FLT1: variants seen among roughly 807,000 people sequenced by gnomAD.
FLT1 encodes fms related receptor tyrosine kinase 1, also known as vascular endothelial growth factor receptor 1.
Under a neutral mutation model 156.3 loss-of-function variants are expected in FLT1, and 49 were observed. The observed-to-expected ratio is 0.31, with a 90% CI of 0.25 to 0.40. The LOEUF (loss-of-function observed/expected upper bound fraction) is 0.40, where lower values mean the gene tolerates loss of function less well. FLT1 is among the 10% of genes least tolerant of loss of function. The probability of loss-of-function intolerance (pLI) is 1.00; values close to 1 mark genes in which losing one functional copy is unlikely to be tolerated. For synonymous variants in FLT1, 594 were observed against 583.8 expected (o/e 1.02, Z -0.25); for missense variants, 1,322 against 1,637.2 (o/e 0.81, Z 3.32).
At chr13:28,348,556 C>T (rs1289846150) in intron 15 of FLT1, among the ~76,000 whole-genome samples, 1 of 152,082 alleles carries the variant, frequency 6.6e-6, no homozygotes, top group African/African-American at 2.4e-5. Context: ...TCAGCTTGGG[C>T]GAATGAATGT....
chr13:28,388,843 A>T (rs1441354137), intron 13 of FLT1: 10 of 1,062,340 alleles, frequency 9.4e-6, no homozygotes, highest in East Asian at 1.0e-4. Context: ...GAAGTTCCTT[A>T]AAATAATAAC....
At chr13:28,386,254 C>A in intron 13 of FLT1, 2 of 1,051,654 alleles carry the variant, frequency 1.9e-6, no homozygotes, top group Non-Finnish European at 2.3e-6. Flanking sequence ...CTTTTGAGTC[C>A]TGCAGGGCAA....
intron 12 of FLT1, among the ~76,000 whole-genome samples, chr13:28,391,529 A>C (rs1874716600): frequency 6.6e-6 from 1 of 152,234 alleles, no homozygotes; most frequent in South Asian, 2.1e-4. Context: ...GAACCAGTGT[A>C]CATCTTACAT....
At chr13:28,303,547 C>T (rs1056823260) in intron 29 of FLT1, among the ~76,000 whole-genome samples, 179 bp from the exon 30 acceptor site, 1 of 149,346 alleles carries the variant, frequency 6.7e-6, no homozygotes, top group African/African-American at 2.4e-5. Context: ...TGCACACGGC[C>T]TCCCTCTTAA....
In FLT1 at chr13:28,334,007, A is replaced by G. The variant is rs749414246; in HGVS notation, c.2593+18T>C. ...AATGGTGATGGGTCAGTTGAAAGCC[A>G]AACTACAGCATACATACCTTTCAGC... On this transcript the variant is annotated intron_variant, in intron 18 of 29. Coordinates refer to ENST00000282397, the MANE Select transcript of FLT1 (RefSeq NM_002019.4). 6 of 1,526,954 alleles carry G rather than the reference A, an allele frequency of 3.9e-6. No individual in the cohort carries two copies. The African/African-American group carries it at 5.5e-5, about 14-fold the overall frequency. The allele number at this position is 1,526,954 out of a possible 1,614,324, so 94.6% of individuals were successfully genotyped here. A position where few individuals can be genotyped will look rare whatever the true frequency, so the allele number is the denominator to read the frequency against.
intron 14 of FLT1, 39 bp from the exon 15 acceptor site, chr13:28,357,724 GACAA>G (rs761016839): frequency 6.2e-7 from 1 of 1,604,662 alleles, no homozygotes; most frequent in Non-Finnish European, 8.5e-7. Flanking sequence ...GGGCCTGGAT[GACAA>G]ACAAAAAACA....
intron 15 of FLT1, among the ~76,000 whole-genome samples, chr13:28,350,154 T>G (rs1483138675): frequency 1.3e-5 from 2 of 152,060 alleles, no homozygotes; most frequent in African/African-American, 2.4e-5. Context: ...CAGGGAAATG[T>G]GGGTGGGATT....
At chr13:28,426,473 C>T (rs1017731537) in intron 10 of FLT1, among the ~76,000 whole-genome samples, 1 of 152,194 alleles carries the variant, frequency 6.6e-6, no homozygotes, top group African/African-American at 2.4e-5. Context: ...AGCCTAAAGA[C>T]ACAAGGGTGC....
At chr13:28,405,302 T>C (rs1168123036) in intron 11 of FLT1, among the ~76,000 whole-genome samples, 1 of 152,200 alleles carries the variant, frequency 6.6e-6, no homozygotes, top group Non-Finnish European at 1.5e-5. Context: ...CAGAGGGAAA[T>C]ACATGATATT....
At chr13:28,422,597 T>C (rs9513110) in intron 10 of FLT1, among the ~76,000 whole-genome samples, 1 of 151,908 alleles carries the variant, frequency 6.6e-6, no homozygotes, top group African/African-American at 2.4e-5. Context: ...AACAACCAGG[T>C]GGACTCTAGA....
At chr13:28,357,770 A>C in intron 14 of FLT1, 85 bp from the exon 15 acceptor site, 3 of 1,262,078 alleles carry the variant, frequency 2.4e-6, no homozygotes, top group East Asian at 4.7e-5. Context: ...TCTTCCTATC[A>C]TTATGCATTC....
At position 28,405,883 on chromosome 13, in the gene FLT1, C is replaced by T. The variant is rs144685868; in HGVS notation, c.1448G>A (p.Cys483Tyr). 26 of 1,585,764 alleles carry T rather than the reference C, an allele frequency of 1.6e-5. No homozygotes were observed. The African/African-American group carries it at 3.3e-4, about 20-fold the overall frequency. ...GATAAAGGACTCTTCATTATTGGAA[C>T]AAAAGTCACACCTATTAAAAAAAAA... ...HNHSEARCDF[C>Y]SNNEESFILD... Residue 483 changes from cysteine to tyrosine, a missense_variant, in exon 11 of 30, where the codon TGT becomes TAT. This residue lies in a region of FLT1 where 991 missense variants were observed against 1,254.8 expected (regional missense o/e 0.79). Transcript: ENST00000282397.
chr13:28,483,877 C>T (rs751719227), intron 1 of FLT1, among the ~76,000 whole-genome samples: 5 of 151,970 alleles, frequency 3.3e-5, no homozygotes, highest in African/African-American at 4.8e-5. Context: ...TCTTTAATTC[C>T]TAGATTTAAT....
At chr13:28,386,254 C>T (rs1372594449) in intron 13 of FLT1, 2 of 1,051,654 alleles carry the variant, frequency 1.9e-6, no homozygotes, top group Non-Finnish European at 1.1e-6. Context: ...CTTTTGAGTC[C>T]TGCAGGGCAA....
At chr13:28,412,168 T>C (rs1876240088) in intron 10 of FLT1, among the ~76,000 whole-genome samples, 1 of 152,154 alleles carries the variant, frequency 6.6e-6, no homozygotes, top group Admixed American at 6.5e-5. Flanking sequence ...ATGGCGGCCA[T>C]CCTGTAGCAG....
chr13:28,431,447 G>A, intron 6 of FLT1, 137 bp from the exon 7 acceptor site: 1 of 689,966 alleles, frequency 1.4e-6, no homozygotes, highest in Non-Finnish European at 2.5e-6. Context: ...AATCCACCTA[G>A]AGCGTAATGT....
At chr13:28,385,986 TC>T in intron 13 of FLT1, 1 of 1,050,780 alleles carries the variant, frequency 9.5e-7, no homozygotes, top group Non-Finnish European at 1.1e-6. Context: ...TTTCCCACCC[TC>T]CCAAGTCATT....
chr13:28,427,830 C>A lies in FLT1; in HGVS notation c.1198G>T (p.Ala400Ser), dbSNP rs770523828. The A allele has an allele frequency of 1.2e-6, 2 of 1,613,860 alleles. No homozygotes were observed. The highest frequency in any genetic ancestry group is 1.1e-5 in the South Asian group (1 of 91,084). The change falls in exon 9 of 30, where the codon GCA becomes TCA. Residue 400 changes from alanine to serine, a missense_variant. By Grantham distance (99) the Ala-to-Ser change is moderately conservative. Transcript: ENST00000282397. The part of the protein sequence containing the change: ...LIIKDVTEED[A>S]GNYTILLSIK... Reference sequence around the variant, plus strand: ...CTCAGCAAGATTGTATAATTCCCTGCATCCTCTTCAGTTACGTCCTTGATA... The same window carrying A: ...CTCAGCAAGATTGTATAATTCCCTGAATCCTCTTCAGTTACGTCCTTGATA...
Position 28,302,778 on chromosome 13 carries a change from T to C in FLT1, c.*389A>G, listed in dbSNP as rs1478437889. ...GTGATCCCTGGGGCTAACGGGCTTG[T>C]TGCCCTGGGTTTTGGGCTGCAGGGC... is the stretch of plus-strand genomic sequence containing the variant. On this transcript the variant is annotated 3_prime_UTR_variant, in exon 30 of 30. Coordinates refer to ENST00000282397, the MANE Select transcript of FLT1 (RefSeq NM_002019.4). 8 of 264,866 alleles carry C rather than the reference T, an allele frequency of 3.0e-5. No homozygotes were observed. The East Asian group carries it at 4.4e-4, about 15-fold the overall frequency. 16.4% of individuals were successfully genotyped at this position (264,866 alleles called of 1,614,324 possible).
Sources: allele counts gnomAD v4.1 joint callset (sites outside exome capture counted in the v4.1 genomes callset), GRCh38; gene constraint gnomAD v4.1.1; regional missense constraint gnomAD v4.1.1; transcripts MANE v1.5; gene names NCBI Gene and HGNC (gene_info 2026-07-23, HGNC 2026-07-21).